Variants in GABRR3 observed in about 807,000 individuals in gnomAD.
GABRR3 encodes gamma-aminobutyric acid type A receptor subunit rho3.
A neutral mutation model predicts 43.2 loss-of-function variants in GABRR3; 29 were observed. That is an observed-to-expected ratio of 0.67 (90% confidence interval 0.50 to 0.92). GABRR3 has a LOEUF of 0.92. GABRR3 is among the 40% of genes least tolerant of loss of function. GABRR3 has a pLI of 0.00. For missense variants in GABRR3, 576 were observed against 572.3 expected (o/e 1.01, Z -0.07); for synonymous variants, 206 against 195.9 (o/e 1.05, Z -0.43).
At chr3:98,022,063 T>C (rs2107246591) in intron 3 of GABRR3, among the ~76,000 whole-genome samples, 1 of 152,310 alleles carries the variant, frequency 6.6e-6, no homozygotes. Context: ...TCCTCTCCTT[T>C]GACAAGCAAA....
intron 3 of GABRR3, among the ~76,000 whole-genome samples, chr3:98,022,303 T>G (rs540548302): frequency 2.6e-4 from 40 of 152,352 alleles, no homozygotes; most frequent in Middle Eastern, 3.4e-3. Flanking sequence ...ATTTATATCC[T>G]CCTGTTTCCA....
Position 98,009,296 on chromosome 3 carries a change from G to A in GABRR3, c.531-258C>T, listed in dbSNP as rs115247591. Among the ~76,000 whole-genome samples, 850 of 152,266 alleles carry A rather than the reference G, an allele frequency of 5.6e-3. 4 individuals carry two copies. The highest frequency in any genetic ancestry group is 0.017 in the Middle Eastern group (5 of 294). On this transcript the variant is annotated intron_variant, in intron 5 of 9. Transcript: ENST00000621172. Reference sequence around the variant, plus strand: ...TTCTGAGTTCACCATTTCCTGATCAGCCCCCTCAGTATTTTCTGGCTCTGA... The same window carrying A: ...TTCTGAGTTCACCATTTCCTGATCAACCCCCTCAGTATTTTCTGGCTCTGA...
chr3:97,996,595 A>G (rs1473841099), intron 8 of GABRR3, among the ~76,000 whole-genome samples: 1 of 152,206 alleles, frequency 6.6e-6, no homozygotes, highest in Admixed American at 6.5e-5. Context: ...AGAATGGCAT[A>G]CCTCATGTAG....
chr3:98,020,273 A>G (rs1706924227), intron 3 of GABRR3, among the ~76,000 whole-genome samples: 1 of 152,118 alleles, frequency 6.6e-6, no homozygotes, highest in African/African-American at 2.4e-5. Flanking sequence ...GTCTAGTAAT[A>G]CTTACCTTGG....
intron 5 of GABRR3, 83 bp downstream of exon 5, chr3:98,012,261 T>C: frequency 2.1e-6 from 2 of 964,204 alleles, no homozygotes; most frequent in Non-Finnish European, 3.2e-6. Flanking sequence ...ACATTGTGAG[T>C]TTCATCTGAA....
At chr3:98,003,904 A>C (rs74470022) in intron 7 of GABRR3, among the ~76,000 whole-genome samples, 6,827 of 152,294 alleles carry the variant, frequency 0.045, 253 homozygotes, top group Non-Finnish European at 0.071. Context: ...TGTAAGTAAT[A>C]AATCACTTCA....
At chr3:97,999,528 T>A (rs1432913091) in intron 8 of GABRR3, 1 of 151,978 alleles carries the variant, frequency 6.6e-6, no homozygotes. Context: ...TTCCATTTGA[T>A]AAGAGTCAAA....
intron 2 of GABRR3, among the ~76,000 whole-genome samples, chr3:98,031,123 T>C (rs1280983166): frequency 1.3e-5 from 2 of 152,154 alleles, no homozygotes; most frequent in Non-Finnish European, 2.9e-5. Context: ...CCTGACTTTT[T>C]CAATAGCCTG....
intron 3 of GABRR3, among the ~76,000 whole-genome samples, chr3:98,022,217 G>T (rs1165782641): frequency 1.3e-5 from 2 of 152,190 alleles, no homozygotes; most frequent in Non-Finnish European, 2.9e-5. Flanking sequence ...TATGGGAGAC[G>T]TAAAAGGTGG....
At chr3:98,014,191 C>T (rs924517102) in intron 4 of GABRR3, among the ~76,000 whole-genome samples, 1 of 152,180 alleles carries the variant, frequency 6.6e-6, no homozygotes, top group Non-Finnish European at 1.5e-5. Flanking sequence ...CACAGCTAAC[C>T]TTATTCAGGA....
At chr3:98,023,107 G>A (rs1706971469) in intron 3 of GABRR3, among the ~76,000 whole-genome samples, 2 of 152,172 alleles carry the variant, frequency 1.3e-5, no homozygotes, top group East Asian at 1.9e-4. Flanking sequence ...GTTGGGGCCC[G>A]TGCATCTGCA....
intron 7 of GABRR3, 141 bp from the exon 8 acceptor site, chr3:98,001,908 G>A: frequency 1.3e-6 from 1 of 773,200 alleles, no homozygotes; most frequent in South Asian, 1.9e-5. Context: ...GTTGGGCCTG[G>A]CACTCCATCA....
At chr3:98,032,773 C>T (rs1024387214) in intron 2 of GABRR3, among the ~76,000 whole-genome samples, 3 of 151,922 alleles carry the variant, frequency 2.0e-5, no homozygotes, top group Non-Finnish European at 2.9e-5. Flanking sequence ...AAAAACTGGC[C>T]CCAAACAATG....
intron 8 of GABRR3, chr3:97,998,315 C>G (rs1009581373): frequency 1.0e-3 from 152 of 152,164 alleles, no homozygotes; most frequent in African/African-American, 3.5e-3. Context: ...GGTATTGTGT[C>G]TTTTGAGATT....
At chr3:98,034,727 T>C in intron 2 of GABRR3, 136 bp downstream of exon 2, 18 of 1,027,768 alleles carry the variant, frequency 1.8e-5, no homozygotes, top group Non-Finnish European at 2.4e-5. Flanking sequence ...GATGCATGAA[T>C]GCTATCTCTA....
At chr3:98,028,899 G>C (rs1381983002) in intron 2 of GABRR3, among the ~76,000 whole-genome samples, 2 of 152,146 alleles carry the variant, frequency 1.3e-5, no homozygotes, top group Non-Finnish European at 2.9e-5. Context: ...CAAGGAGACA[G>C]AAGGAAATTT....
At chr3:98,005,769 T>C (rs189138184) in intron 7 of GABRR3, among the ~76,000 whole-genome samples, 3 of 152,290 alleles carry the variant, frequency 2.0e-5, no homozygotes, top group African/African-American at 7.2e-5. Flanking sequence ...TAATGGATAG[T>C]TGTGCTTCAA....
intron 5 of GABRR3, among the ~76,000 whole-genome samples, chr3:98,009,577 G>A (rs546791267): frequency 2.1e-3 from 320 of 152,282 alleles, no homozygotes; most frequent in African/African-American, 7.2e-3. Flanking sequence ...GTACTATTAA[G>A]CCAAAAGGCT....
intron 8 of GABRR3, chr3:98,001,109 G>A (rs746172034): frequency 6.5e-5 from 10 of 152,758 alleles, no homozygotes; most frequent in Non-Finnish European, 1.0e-4. Flanking sequence ...TTTTAGTTAA[G>A]TCCTAATTTC....
Sources: gnomAD v4.1 joint callset for allele counts (sites outside exome capture counted in the v4.1 genomes callset) on GRCh38, gnomAD v4.1.1 for gene constraint, MANE v1.5 for transcripts, NCBI Gene and HGNC (gene_info 2026-07-23, HGNC 2026-07-21) for gene names.